Variants in SLC6A16 observed in about 807,000 individuals in gnomAD.
The protein encoded by SLC6A16 is solute carrier family 6 member 16.
SLC6A16 carries 54 observed loss-of-function variants against 65.4 expected under a neutral mutation model. The observed-to-expected ratio is 0.83, with a 90% CI of 0.66 to 1.04. SLC6A16 has a LOEUF of 1.04. Among genes scored for constraint, SLC6A16 ranks in the 50% least tolerant of loss-of-function variants. The pLI is 0.00. For synonymous variants in SLC6A16, 330 were observed against 346.5 expected, an observed-to-expected ratio of 0.95 and a Z score of 0.53; for missense variants, 816 against 914.0, an observed-to-expected ratio of 0.89 and a Z score of 1.38.
At chr19:49,306,534 GTTTTTTTTTTTTCTTTT>G (rs982017597) in intron 7 of SLC6A16, among the ~76,000 whole-genome samples, 2 of 133,426 alleles carry the variant, frequency 1.5e-5, no homozygotes. Context: ...TTAGTTCTTT[GTTTTTTTTTTTTCTTTT>G]TTTTTTTTTT....
intron 7 of SLC6A16, among the ~76,000 whole-genome samples, chr19:49,306,541 T>C (rs1970390768): frequency 6.7e-6 from 1 of 150,214 alleles, no homozygotes; most frequent in Admixed American, 6.6e-5. Context: ...TTTGTTTTTT[T>C]TTTTTCTTTT....
the SLC6A16 span, chr19:49,338,784 C>T: frequency 6.2e-7 from 1 of 1,613,938 alleles, no homozygotes. This position sits in a 1 kb window ranked among gnomAD's most constrained non-coding sequence, Gnocchi z 5.0. Context: ...GCACCGCGTG[C>T]CCTGCTCCTG....
chr19:49,331,938 C>T, the SLC6A16 span: 1 of 453,328 alleles, frequency 2.2e-6, no homozygotes, highest in Non-Finnish European at 4.4e-6. Flanking sequence ...ATCATGTACT[C>T]ATCTCTGAGG....
chr19:49,321,811 A>G (rs1315937640), intron 1 of SLC6A16, among the ~76,000 whole-genome samples: 9 of 151,820 alleles, frequency 5.9e-5, no homozygotes, highest in Admixed American at 5.3e-4. Context: ...AGTCCTAGCT[A>G]CTCATGAGGC....
At chr19:49,306,944 A>G (rs956598638) in intron 7 of SLC6A16, among the ~76,000 whole-genome samples, 1 of 152,056 alleles carries the variant, frequency 6.6e-6, no homozygotes, top group Non-Finnish European at 1.5e-5. Flanking sequence ...GGCAGTAAAG[A>G]GATTATGATT....
At chr19:49,293,551 G>T (rs1387066562) in intron 9 of SLC6A16, among the ~76,000 whole-genome samples, 169 bp from the exon 10 acceptor site, 24 of 152,240 alleles carry the variant, frequency 1.6e-4, no homozygotes, top group Non-Finnish European at 1.2e-4. Flanking sequence ...GATTCCTTAA[G>T]CCCAGGAGTC....
intron 1 of SLC6A16, among the ~76,000 whole-genome samples, chr19:49,314,410 T>C (rs767872707): frequency 4.6e-5 from 7 of 152,194 alleles, no homozygotes; most frequent in Non-Finnish European, 8.8e-5. Context: ...ACTAATCAAG[T>C]TGTACACATG....
upstream of SLC6A16, among the ~76,000 whole-genome samples, chr19:49,330,009 C>T (rs1365744266): frequency 1.3e-5 from 2 of 151,832 alleles, no homozygotes; most frequent in Non-Finnish European, 2.9e-5. Context: ...GTCCCAGCTA[C>T]TCAGGAGGCT....
chr19:49,294,704 C>T (rs1035482982), intron 7 of SLC6A16, 151 bp from the exon 8 acceptor site: 45 of 679,704 alleles, frequency 6.6e-5, no homozygotes, highest in African/African-American at 1.1e-4. Context: ...AGAAGGCACC[C>T]GCCTTCAGGG....
intron 1 of SLC6A16, among the ~76,000 whole-genome samples, chr19:49,322,619 A>G (rs1970730137): frequency 7.0e-6 from 1 of 142,736 alleles, no homozygotes; most frequent in African/African-American, 2.7e-5. Flanking sequence ...GGGCAACAAG[A>G]GTGAAACTCC....
intron 1 of SLC6A16, among the ~76,000 whole-genome samples, chr19:49,320,295 C>A (rs1423776456): frequency 2.6e-5 from 4 of 151,946 alleles, no homozygotes; most frequent in Non-Finnish European, 4.4e-5. Context: ...GTAATCCCAG[C>A]TACTCAGGAG....
upstream of SLC6A16, among the ~76,000 whole-genome samples, chr19:49,328,176 A>G (rs1447900972): frequency 6.6e-6 from 1 of 152,172 alleles, no homozygotes; most frequent in African/African-American, 2.4e-5. Context: ...TACGAAGAAA[A>G]GAGGTTTAAT....
intron 7 of SLC6A16, among the ~76,000 whole-genome samples, chr19:49,295,476 A>C (rs1801478838): frequency 6.6e-6 from 1 of 152,226 alleles, no homozygotes; most frequent in Non-Finnish European, 1.5e-5. Context: ...GTAGAGTTTG[A>C]TCACATTTTA....
rs748888653 is a variant in SLC6A16, at chr19:49,308,896, G to A, written c.1209C>T (p.Ile403=). ...FCVLGFWATV[I]THRCCERNAE... ...CTTACCTCTCACAGCAGCGATGTGT[G>A]ATGACTGTCGCCCAGAAGCCCAGGA... The change falls in exon 7 of 12, where the codon ATC becomes ATT. Residue 403 remains isoleucine (I), a synonymous_variant. Coordinates refer to ENST00000335875, the MANE Select transcript of SLC6A16 (RefSeq NM_014037.3). 6.2e-7 allele frequency: 1 copy of A among 1,614,176 alleles called. No individual in the cohort carries two copies. Among genetic ancestry groups the A allele is most frequent in the Non-Finnish European group, 8.5e-7 (1 of 1,180,058 alleles).
rs529039157 is a variant in SLC6A16 at position 49,306,535 on chromosome 19, T to G, written c.1229+2341A>C. ...ATTAATCACTATCCTTAGTTCTTTG[T>G]TTTTTTTTTTTCTTTTTTTTTTTTT... On this transcript the variant is annotated intron_variant, in intron 7 of 11. Coordinates refer to ENST00000335875, the MANE Select transcript of SLC6A16 (RefSeq NM_014037.3). Among the ~76,000 whole-genome samples, 198 of 119,960 alleles carry G rather than the reference T, an allele frequency of 1.7e-3. 1 individual carries two copies. Among genetic ancestry groups the G allele is most frequent in the African/African-American group, 5.2e-3 (190 of 36,796 alleles). 78.7% of individuals were successfully genotyped at this position (119,960 alleles called of 152,430 possible). A position where few individuals can be genotyped will look rare whatever the true frequency, so the allele number is the denominator to read the frequency against.
chr19:49,327,066 T>A (rs1487362982), upstream of SLC6A16, among the ~76,000 whole-genome samples: 1 of 149,520 alleles, frequency 6.7e-6, no homozygotes, highest in African/African-American at 2.5e-5. Context: ...ACAGACCTAT[T>A]TATTTCTATC....
intron 5 of SLC6A16, 94 bp from the exon 6 acceptor site, chr19:49,309,505 G>A: frequency 7.9e-7 from 1 of 1,272,700 alleles, no homozygotes; most frequent in South Asian, 1.3e-5. Context: ...GAAATGAGTA[G>A]GAGTTAGAAG....
the SLC6A16 span, chr19:49,340,071 C>T: frequency 6.6e-7 from 1 of 1,522,180 alleles, no homozygotes; most frequent in African/African-American, 1.4e-5. Flanking sequence ...CTATTCCCGC[C>T]TCATCAGCCA....
chr19:49,326,525 G>A (rs1227853547), upstream of SLC6A16, among the ~76,000 whole-genome samples: 1 of 152,110 alleles, frequency 6.6e-6, no homozygotes, highest in Non-Finnish European at 1.5e-5. Context: ...AAATTTTGGG[G>A]GTGCTGTAAG....
Sources: allele counts gnomAD v4.1 joint callset (sites outside exome capture counted in the v4.1 genomes callset), GRCh38; gene constraint gnomAD v4.1.1; non-coding constraint Gnocchi (gnomAD v3.1); transcripts MANE v1.5; gene names NCBI Gene and HGNC (gene_info 2026-07-23, HGNC 2026-07-21).